The following BTN3A1 variants were observed in gnomAD, a reference collection of about 807,000 sequenced individuals.
BTN3A1 encodes the protein dJ45P21.3 (butyrophilin, subfamily 3, member A1).
Under a neutral mutation model 43.0 loss-of-function variants are expected in BTN3A1, and 24 were observed. That is an observed-to-expected ratio of 0.56 (90% CI 0.40 to 0.78). The LOEUF is 0.78. Ranked by LOEUF, BTN3A1 falls within the 30% of genes least tolerant of loss-of-function variation. BTN3A1 has a pLI of 0.00. For missense variants in BTN3A1, 533 were observed against 626.2 expected (o/e 0.85, Z 1.59); for synonymous variants, 181 against 234.7 (o/e 0.77, Z 2.09).
chr6:26,411,149 A>T lies in BTN3A1; in HGVS notation c.991+14A>T. 6.2e-7 allele frequency: 1 copy of T among 1,608,518 alleles called. No individual in the cohort carries two copies. Among genetic ancestry groups the T allele is most frequent in the South Asian group, 1.1e-5 (1 of 90,148 alleles). ...CAGCCTATAATGGTGAGTGAACCTG[A>T]TGCTCTCTGAGTTTGCTGGGACACG... On this transcript the variant is annotated intron_variant, in intron 8 of 9. Coordinates refer to ENST00000289361, the MANE Select transcript of BTN3A1 (RefSeq NM_007048.6).
rs142919616 is a variant in BTN3A1, at chr6:26,413,677, T to A, written c.1527T>A (p.Thr509=). The A allele has an allele frequency of 6.2e-7, 1 of 1,613,210 alleles. No homozygotes were observed. The highest frequency in any genetic ancestry group is 8.5e-7 in the Non-Finnish European group (1 of 1,179,732). ...RILTLEPTAL[T]ICPA is the part of the protein sequence containing the mutation. ...TGACCTTGGAGCCCACGGCCCTGAC[T>A]ATTTGTCCAGCGTGAAAAGAAGAAG... The change falls in exon 10 of 10, where the codon ACT becomes ACA. Residue 509 remains threonine (T), a synonymous_variant. Transcript: ENST00000289361.
At chr6:26,412,610 T>C (rs1762256471) in intron 9 of BTN3A1, 3 of 1,547,316 alleles carry the variant, frequency 1.9e-6, no homozygotes, top group Admixed American at 3.9e-5. Flanking sequence ...ATCAGGAAGA[T>C]GAGGAGCTTC....
At position 26,411,738 on chromosome 6, in the gene BTN3A1, G is replaced by T. The variant is rs1323607099; in HGVS notation, c.1018+157G>T. 3.3e-6 allele frequency: 3 copies of T among 908,824 alleles called. No individual in the cohort carries two copies. The African/African-American group carries it at 5.1e-5, about 15-fold the overall frequency. The allele number at this position is 908,824 out of a possible 1,614,324, so 56.3% of individuals were successfully genotyped here. On this transcript the variant is annotated intron_variant, in intron 9 of 9. Transcript: ENST00000289361. ...CATTAAATTCCAATCTGAAAAGTGG[G>T]CCCATCTCCAAGACCCTTTCTGCTG...
intron 5 of BTN3A1, 21 bp downstream of exon 5, chr6:26,409,754 A>G (rs1762145133): frequency 6.3e-7 from 1 of 1,576,368 alleles, no homozygotes; most frequent in Admixed American, 1.8e-5. Context: ...TTGGGAGTTT[A>G]TCTGAGCCCC....
rs1422453448 is a variant in BTN3A1 at position 26,413,472 on chromosome 6, A to T, written c.1322A>T (p.Tyr441Phe). Reference sequence around the variant, plus strand: ...ATGGGGCTGACTGATGGGAATAAGTATCGGACTCTAACTGAGCCCAGAACC... The same window carrying T: ...ATGGGGCTGACTGATGGGAATAAGTTTCGGACTCTAACTGAGCCCAGAACC... ...WTMGLTDGNKYRTLTEPRTNL... is the reference protein window; with the variant it reads ...WTMGLTDGNKFRTLTEPRTNL... The change falls in exon 10 of 10, where the codon TAT becomes TTT. Residue 441 changes from tyrosine (Y) to phenylalanine (F), a missense_variant. Physicochemically the swap from Tyr to Phe is conservative, Grantham distance 22. This residue lies in a region of BTN3A1 where 415 missense variants were observed against 427.0 expected (regional missense o/e 0.97). Transcript: ENST00000289361. 4 of 1,614,050 alleles carry T rather than the reference A, an allele frequency of 2.5e-6. No homozygotes were observed. Among genetic ancestry groups the T allele is most frequent in the Non-Finnish European group, 2.5e-6 (3 of 1,180,036 alleles).
chr6:26,405,433 A>T lies in BTN3A1; in HGVS notation c.-131A>T. ...TGAAGGACAGAATTTTTGGCAGAGG[A>T]AAGATCTTCTTCGGTCACCATACTT... On this transcript the variant is annotated 5_prime_UTR_variant, in exon 2 of 10. An upstream open reading frame in the 5' UTR gains an earlier in-frame stop. Coordinates refer to ENST00000289361, the MANE Select transcript of BTN3A1 (RefSeq NM_007048.6). 1 of 838,768 alleles carries T rather than the reference A, an allele frequency of 1.2e-6. No homozygotes were observed. 52.0% of individuals were successfully genotyped at this position (838,768 alleles called of 1,614,324 possible).
At chr6:26,408,062 C>G in intron 4 of BTN3A1, 110 bp downstream of exon 4, 1 of 1,514,560 alleles carries the variant, frequency 6.6e-7, no homozygotes, top group Non-Finnish European at 8.9e-7. Context: ...AATATAAGGC[C>G]CAAAGCACAG....
chr6:26,409,830 G>T, intron 5 of BTN3A1, 64 bp from the exon 6 acceptor site: 1 of 1,613,286 alleles, frequency 6.2e-7, no homozygotes. Flanking sequence ...TTGCTTTTAA[G>T]GTTAATTTTT....
At chr6:26,412,670 C>T (rs963026183) in intron 9 of BTN3A1, 41 of 1,551,090 alleles carry the variant, frequency 2.6e-5, no homozygotes, top group Non-Finnish European at 3.3e-5. Flanking sequence ...CCTTCTACAG[C>T]GCTAGAGATT....
chr6:26,409,070 C>T (rs1762114392), intron 4 of BTN3A1, among the ~76,000 whole-genome samples: 1 of 146,978 alleles, frequency 6.8e-6, no homozygotes, highest in Admixed American at 7.0e-5. Flanking sequence ...TGCAAGTCAC[C>T]TAAAGGAGCC....
At position 26,413,675 on chromosome 6, in the gene BTN3A1, A is replaced by G. The variant is rs777604885; in HGVS notation, c.1525A>G (p.Thr509Ala). The G allele has an allele frequency of 6.2e-7, 1 of 1,613,342 alleles. No homozygotes were observed. Among genetic ancestry groups the G allele is most frequent in the Non-Finnish European group, 8.5e-7 (1 of 1,179,680 alleles). The change falls in exon 10 of 10, where the codon ACT becomes GCT. Residue 509 changes from threonine (T) to alanine (A), a missense_variant. By Grantham distance (58) the Thr-to-Ala change is moderately conservative. Coordinates refer to ENST00000289361, the MANE Select transcript of BTN3A1 (RefSeq NM_007048.6). ...TTTGACCTTGGAGCCCACGGCCCTG[A>G]CTATTTGTCCAGCGTGAAAAGAAGA... Reference protein sequence around the residue: ...RILTLEPTALTICPA With the variant: ...RILTLEPTALAICPA
chr6:26,409,561 G>T lies in BTN3A1; in HGVS notation c.744G>T (p.Trp248Cys). Residue 248 changes from tryptophan (W) to cysteine (C), a missense_variant, in exon 5 of 10, where the codon TGG (tryptophan) becomes TGT (cysteine). This residue lies in a region of BTN3A1 where 415 missense variants were observed against 427.0 expected (regional missense o/e 0.97). Transcript: ENST00000289361. Reference sequence around the variant, plus strand: ...CCTTCTTCAGGAGCGCCCAGAGGTGGATCGCCGCCCTGGCAGGGACCCTGC... The same window carrying T: ...CCTTCTTCAGGAGCGCCCAGAGGTGTATCGCCGCCCTGGCAGGGACCCTGC... ...ADPFFRSAQRWIAALAGTLPV... is the reference protein window; with the variant it reads ...ADPFFRSAQRCIAALAGTLPV... 2 of 1,613,928 alleles carry T rather than the reference G, an allele frequency of 1.2e-6. No homozygotes were observed. The highest frequency in any genetic ancestry group is 1.7e-6 in the Non-Finnish European group (2 of 1,179,998).
At chr6:26,411,960 A>C in intron 9 of BTN3A1, 1 of 237,898 alleles carries the variant, frequency 4.2e-6, no homozygotes, top group Admixed American at 5.1e-5. Flanking sequence ...TTCTCATGCC[A>C]CCTACTGTCA....
intron 5 of BTN3A1, 33 bp from the exon 6 acceptor site, chr6:26,409,861 A>T (rs1167788335): frequency 2.0e-5 from 32 of 1,613,934 alleles, no homozygotes; most frequent in Non-Finnish European, 2.5e-5. Context: ...CCTCACCTGT[A>T]ACAGTTCATT....
rs751476074 is a variant in BTN3A1 at position 26,409,980 on chromosome 6, A to G, written c.938-26A>G. The G allele has an allele frequency of 4.3e-6, 7 of 1,613,988 alleles. No homozygotes were observed. The South Asian group carries it at 6.6e-5, about 15-fold the overall frequency. ...GTCCCTGCTTTATGCGCCTTGATGC[A>G]TCTTCCCCTGTTCCTTCCGTTGCAG... On this transcript the variant is annotated intron_variant, in intron 6 of 9. Coordinates refer to ENST00000289361, the MANE Select transcript of BTN3A1 (RefSeq NM_007048.6).
Position 26,411,438 on chromosome 6 carries a change from T to G in BTN3A1, c.992-117T>G, listed in dbSNP as rs562654292. The G allele has an allele frequency of 6.1e-6, 8 of 1,312,772 alleles. No individual in the cohort carries two copies. The South Asian group carries it at 8.8e-5, about 14-fold the overall frequency. 81.3% of individuals were successfully genotyped at this position (1,312,772 alleles called of 1,614,324 possible). ...CATCAGAGCTGTAGAAGAGGGAGGC[T>G]GGACCCTGGAAGAGACTCTGAAGAA... On this transcript the variant is annotated intron_variant, in intron 8 of 9. Transcript: ENST00000289361.
chr6:26,414,635 G>C lies in BTN3A1; in HGVS notation c.*943G>C, dbSNP rs956335738. On this transcript the variant is annotated 3_prime_UTR_variant, in exon 10 of 10. Coordinates refer to ENST00000289361, the MANE Select transcript of BTN3A1 (RefSeq NM_007048.6). ...GTTTCCAGGCAGAGCAAATACCCTA[G>C]AGATTCTCTGTGATATAGGAAATTT... The C allele has an allele frequency of 6.6e-6, 1 of 152,030 alleles. No individual in the cohort carries two copies. Among genetic ancestry groups the C allele is most frequent in the African/African-American group, 2.4e-5 (1 of 41,374 alleles). 9.4% of individuals were successfully genotyped at this position (152,030 alleles called of 1,614,324 possible).
intron 3 of BTN3A1, 149 bp from the exon 4 acceptor site, chr6:26,407,522 A>T: frequency 1.0e-6 from 1 of 969,468 alleles, no homozygotes; most frequent in Non-Finnish European, 1.5e-6. Context: ...TCATTCATGT[A>T]GCTTTCTCCT....
chr6:26,405,637 TGCCTCAC>T lies in BTN3A1; in HGVS notation c.75_81del (p.Met25IlefsTer32), dbSNP rs757923597. The T allele has an allele frequency of 6.2e-7, 1 of 1,614,210 alleles. No homozygotes were observed. ...TGCCTCCTTTTGCTTCAGCTGCTCA[TGCCTCAC>T]TCAGGTAGGGAACAATTCCACGCTT... On this transcript the variant is annotated frameshift_variant, in exon 2 of 10. Coordinates refer to ENST00000289361, the MANE Select transcript of BTN3A1 (RefSeq NM_007048.6). LOFTEE classifies it high-confidence loss of function.
Sources: gnomAD v4.1 joint callset for allele counts (sites outside exome capture counted in the v4.1 genomes callset) on GRCh38, gnomAD v4.1.1 for gene constraint, gnomAD v4.1.1 regional missense constraint, MANE v1.5 for transcripts, NCBI Gene and HGNC (gene_info 2026-07-23, HGNC 2026-07-21) for gene names.